SIMC1: variants seen among roughly 807,000 people sequenced by gnomAD.
SIMC1 encodes SUMO-interacting motif-containing protein 1.
Under a neutral mutation model 82.3 loss-of-function variants are expected in SIMC1, and 55 were observed. The observed-to-expected ratio is 0.67, with a 90% CI of 0.54 to 0.84. SIMC1 has a LOEUF of 0.84. Among genes scored for constraint, SIMC1 ranks in the 40% least tolerant of loss-of-function variants. The pLI is 0.00. For synonymous variants in SIMC1, 353 were observed against 426.3 expected (o/e 0.83, Z 2.12); for missense variants, 915 against 1,107.2 (o/e 0.83, Z 2.46).
At chr5:176,287,469 G>A (rs571720226) in intron 1 of SIMC1, among the ~76,000 whole-genome samples, 5 of 152,208 alleles carry the variant, frequency 3.3e-5, no homozygotes, top group South Asian at 4.2e-4. Context: ...TCAACACACC[G>A]GGGCCTGTAG....
chr5:176,295,281 G>C lies in SIMC1; in HGVS notation c.1664+19G>C. ...TTCAACAGTATGAACCGTAACCTCT[G>C]GCTGTTGGCGAATCTTCTAGGGATC... On this transcript the variant is annotated intron_variant, in intron 3 of 9. Transcript: ENST00000429602. The C allele has an allele frequency of 6.3e-7, 1 of 1,593,678 alleles. No homozygotes were observed. The highest frequency in any genetic ancestry group is 2.3e-5 in the East Asian group (1 of 44,286).
At chr5:176,281,522 A>G (rs562034447) in intron 1 of SIMC1, among the ~76,000 whole-genome samples, 3 of 152,198 alleles carry the variant, frequency 2.0e-5, no homozygotes, top group East Asian at 3.9e-4. Flanking sequence ...TAGAGTTTCC[A>G]GTTTTTCTGC....
At chr5:176,335,139 A>G (rs1765832683) in intron 7 of SIMC1, among the ~76,000 whole-genome samples, 2 of 152,042 alleles carry the variant, frequency 1.3e-5, no homozygotes, top group Admixed American at 1.3e-4. Flanking sequence ...AGTCCTTTGT[A>G]GTAAGTTCTC....
intron 1 of SIMC1, among the ~76,000 whole-genome samples, chr5:176,261,515 G>A (rs1412470242): frequency 6.6e-6 from 1 of 152,134 alleles, no homozygotes; most frequent in African/African-American, 2.4e-5. Flanking sequence ...GGAAGGCCGA[G>A]GCAGGTGGAT....
chr5:176,279,950 G>A (rs958951655), intron 1 of SIMC1, among the ~76,000 whole-genome samples: 1 of 152,094 alleles, frequency 6.6e-6, no homozygotes, highest in Non-Finnish European at 1.5e-5. Flanking sequence ...TGTATATTCT[G>A]TTGATTTGGG....
At chr5:176,285,214 T>C (rs1209517393) in intron 1 of SIMC1, among the ~76,000 whole-genome samples, 1 of 152,186 alleles carries the variant, frequency 6.6e-6, no homozygotes, top group African/African-American at 2.4e-5. Context: ...ATATCCCTGA[T>C]GAACATTGAT....
intron 1 of SIMC1, among the ~76,000 whole-genome samples, chr5:176,277,094 T>A (rs1743530923): frequency 6.6e-6 from 1 of 151,858 alleles, no homozygotes; most frequent in South Asian, 2.1e-4. Context: ...TTTCTCCACA[T>A]CCTCTCCAGC....
intron 4 of SIMC1, chr5:176,308,111 GAC>G: frequency 1.2e-6 from 1 of 856,910 alleles, no homozygotes; most frequent in Non-Finnish European, 2.0e-6. Context: ...TCTAGAGTCT[GAC>G]ACTTTCCTTG....
At chr5:176,277,133 T>C (rs989629517) in intron 1 of SIMC1, among the ~76,000 whole-genome samples, 10 of 151,960 alleles carry the variant, frequency 6.6e-5, no homozygotes, top group African/African-American at 2.2e-4. Flanking sequence ...TTTTAATGAT[T>C]GCCATTCTAA....
intron 1 of SIMC1, among the ~76,000 whole-genome samples, chr5:176,273,648 T>TC (rs1216593943): frequency 6.6e-6 from 1 of 152,000 alleles, no homozygotes; most frequent in East Asian, 1.9e-4. Context: ...ATGCTATCCC[T>TC]CCCCCCTCAC....
At chr5:176,285,438 C>A (rs1429416375) in intron 1 of SIMC1, among the ~76,000 whole-genome samples, 1 of 152,188 alleles carries the variant, frequency 6.6e-6, no homozygotes, top group Non-Finnish European at 1.5e-5. Context: ...AATTCAACAG[C>A]ACTTCATGCT....
chr5:176,317,533 A>G (rs1401378282), intron 5 of SIMC1, among the ~76,000 whole-genome samples: 1 of 152,154 alleles, frequency 6.6e-6, no homozygotes, highest in Non-Finnish European at 1.5e-5. Context: ...GACTTCTCAC[A>G]TGAAAAATAA....
intron 4 of SIMC1, chr5:176,308,950 G>A (rs1159639850): frequency 2.7e-5 from 28 of 1,031,352 alleles, no homozygotes; most frequent in South Asian, 1.0e-4. Flanking sequence ...AAAACCAATA[G>A]CATTTGCAGG....
chr5:176,338,621 G>A lies in SIMC1; in HGVS notation c.2413+1475G>A, dbSNP rs578165093. On this transcript the variant is annotated intron_variant, in intron 9 of 9. Transcript: ENST00000429602. ...CATACTGAAGTATTGAGGGGTAGAG[G>A]GGTATAGTGTCTGCAACTTATTCCC... Among the ~76,000 whole-genome samples, 5 of 152,208 alleles carry A rather than the reference G, an allele frequency of 3.3e-5. No homozygotes were observed. In the East Asian group the frequency reaches 7.7e-4, roughly 24 times the overall value.
chr5:176,274,992 A>G (rs1762620887), intron 1 of SIMC1, among the ~76,000 whole-genome samples: 1 of 151,776 alleles, frequency 6.6e-6, no homozygotes, highest in Non-Finnish European at 1.5e-5. Context: ...ACTTTAAAGT[A>G]GTTTTTCCAA....
intron 1 of SIMC1, among the ~76,000 whole-genome samples, chr5:176,281,344 CAA>C (rs1762998077): frequency 6.6e-6 from 1 of 152,072 alleles, no homozygotes; most frequent in East Asian, 1.9e-4. Flanking sequence ...AAATTTTTTT[CAA>C]AGTTTTTAAC....
At chr5:176,242,521 G>A (rs913916939) in intron 1 of SIMC1, among the ~76,000 whole-genome samples, 9 of 151,782 alleles carry the variant, frequency 5.9e-5, no homozygotes, top group Non-Finnish European at 7.4e-5. Flanking sequence ...TTTATAGGCT[G>A]TGGAGTTCAT....
chr5:176,306,440 G>A lies in SIMC1; in HGVS notation c.1735-7251G>A, dbSNP rs1280837010. Among the ~76,000 whole-genome samples, 287 of 124,182 alleles carry A rather than the reference G, an allele frequency of 2.3e-3. 1 individual carries two copies. The highest frequency in any genetic ancestry group is 6.9e-3 in the African/African-American group (271 of 39,254). The allele number at this position is 124,182 out of a possible 152,430, so 81.5% of individuals were successfully genotyped here. On this transcript the variant is annotated intron_variant, in intron 4 of 9. Coordinates refer to ENST00000429602, the MANE Select transcript of SIMC1 (RefSeq NM_001308195.2). ...CCAACAGCTCATTGAGAACGGGCCA[G>A]GATGACAATGGCGGCTTTGTGGAAT...
chr5:176,287,071 C>T (rs534821796), intron 1 of SIMC1, among the ~76,000 whole-genome samples: 102 of 152,250 alleles, frequency 6.7e-4, no homozygotes, highest in South Asian at 5.2e-3. Flanking sequence ...GACAGTGTGG[C>T]GATTCCTCAA....
Sources: allele counts gnomAD v4.1 joint callset (sites outside exome capture counted in the v4.1 genomes callset), GRCh38; gene constraint gnomAD v4.1.1; transcripts MANE v1.5; gene names NCBI Gene and HGNC (gene_info 2026-07-23, HGNC 2026-07-21).